Variants in MBOAT2 observed in about 807,000 individuals in gnomAD.
MBOAT2 encodes membrane bound glycerophospholipid O-acyltransferase 2.
In MBOAT2, 28 loss-of-function variants were observed where a neutral mutation model predicts 63.4. The ratio of observed to expected loss-of-function variants is 0.44; its 90% CI spans 0.33 to 0.61. The LOEUF (loss-of-function observed/expected upper bound fraction) is 0.61. Ranked by LOEUF, MBOAT2 falls within the 20% of genes least tolerant of loss-of-function variation. The pLI, the probability that MBOAT2 is intolerant of heterozygous loss-of-function variation, is 0.03. For synonymous variants in MBOAT2, 211 were observed against 215.6 expected (o/e 0.98, Z 0.19); for missense variants, 470 against 605.8 (o/e 0.78, Z 2.35).
chr2:8,940,166 T>G (rs929585003), intron 3 of MBOAT2, among the ~76,000 whole-genome samples: 6 of 152,056 alleles, frequency 3.9e-5, no homozygotes, highest in Admixed American at 2.0e-4. Context: ...CTTCTACGTC[T>G]TAACGGGGGA....
In MBOAT2 at chr2:8,994,907, T is replaced by C. The variant is rs578216913; in HGVS notation, c.75+8633A>G. On this transcript the variant is annotated intron_variant, in intron 1 of 12. Transcript: ENST00000305997. The stretch of plus-strand genomic sequence containing the variant: ...GCAAGGAGTTAAAAGAGAGAAAATG[T>C]ATTGAGGAGCATTTTAAGTAATTGA... Among the ~76,000 whole-genome samples, 9 of 152,284 alleles carry C rather than the reference T, an allele frequency of 5.9e-5. No homozygotes were observed. In the South Asian group the frequency reaches 1.9e-3, roughly 32 times the overall value.
intron 2 of MBOAT2, among the ~76,000 whole-genome samples, chr2:8,955,293 C>A (rs987772344): frequency 3.9e-5 from 6 of 152,204 alleles, no homozygotes; most frequent in Admixed American, 3.9e-4. Flanking sequence ...GCGTCTCCAA[C>A]CCTCTCCCCA....
At chr2:8,890,337 A>G (rs887821591) in intron 4 of MBOAT2, among the ~76,000 whole-genome samples, 3 of 152,080 alleles carry the variant, frequency 2.0e-5, no homozygotes, top group Non-Finnish European at 2.9e-5. Flanking sequence ...ATTTCATCTT[A>G]GTCCTTGTTT....
chr2:8,859,718 C>T (rs1247266077), intron 12 of MBOAT2, among the ~76,000 whole-genome samples: 1 of 152,048 alleles, frequency 6.6e-6, no homozygotes, highest in Non-Finnish European at 1.5e-5. Context: ...AGTTTTTGAT[C>T]TCTAAAATAT....
intron 12 of MBOAT2, among the ~76,000 whole-genome samples, chr2:8,859,785 T>C (rs1281032143): frequency 6.6e-6 from 1 of 152,166 alleles, no homozygotes; most frequent in African/African-American, 2.4e-5. Context: ...ATAAGTAGAT[T>C]ATAAAAATAC....
At chr2:8,999,285 T>C (rs1353803706) in intron 1 of MBOAT2, among the ~76,000 whole-genome samples, 1 of 152,102 alleles carries the variant, frequency 6.6e-6, no homozygotes, top group East Asian at 1.9e-4. Context: ...ATCACATCAC[T>C]AGGGAAATTT....
intron 4 of MBOAT2, among the ~76,000 whole-genome samples, chr2:8,903,078 A>G (rs1179822746): frequency 5.3e-5 from 8 of 152,190 alleles, no homozygotes; most frequent in African/African-American, 1.9e-4. Context: ...AGCTAGACAC[A>G]AAAGTTCTCC....
At chr2:8,921,704 T>G (rs1666583725) in intron 3 of MBOAT2, among the ~76,000 whole-genome samples, 1 of 152,196 alleles carries the variant, frequency 6.6e-6, no homozygotes, top group African/African-American at 2.4e-5. Context: ...CCTTCAGCAT[T>G]TTGAATATGT....
intron 3 of MBOAT2, among the ~76,000 whole-genome samples, chr2:8,912,061 C>T (rs1665746540): frequency 6.6e-6 from 1 of 151,944 alleles, no homozygotes; most frequent in Non-Finnish European, 1.5e-5. Context: ...TTAAAACCCT[C>T]ATCAAAATTG....
rs1025347567 is a variant in MBOAT2, at chr2:8,963,787, C to G, written c.76-5145G>C. The stretch of plus-strand genomic sequence containing the variant: ...TATGCATTTATTCTGTAATTATGAG[C>G]CTACTATGCTTTTACTATGTGCTAG... On this transcript the variant is annotated intron_variant, in intron 1 of 12. Transcript: ENST00000305997. Among the ~76,000 whole-genome samples, 8 of 152,112 alleles carry G rather than the reference C, an allele frequency of 5.3e-5. No individual in the cohort carries two copies. In the East Asian group the frequency reaches 1.3e-3, roughly 26 times the overall value.
At chr2:8,987,764 G>T (rs1391891940) in intron 1 of MBOAT2, among the ~76,000 whole-genome samples, 4 of 152,084 alleles carry the variant, frequency 2.6e-5, no homozygotes, top group Non-Finnish European at 5.9e-5. Context: ...CGTGGTGGCT[G>T]CGTTACAAAA....
chr2:8,935,916 A>G (rs1230311725), intron 3 of MBOAT2, among the ~76,000 whole-genome samples: 2 of 152,224 alleles, frequency 1.3e-5, no homozygotes, highest in Non-Finnish European at 2.9e-5. Flanking sequence ...TATCATCAAT[A>G]AAGTAGACTT....
intron 1 of MBOAT2, among the ~76,000 whole-genome samples, chr2:8,996,009 A>T (rs1243113481): frequency 1.3e-5 from 2 of 152,056 alleles, no homozygotes; most frequent in African/African-American, 2.4e-5. Flanking sequence ...GAAAATGCAG[A>T]CTCCCTGGCC....
At chr2:8,860,109 C>A (rs1367145112) in intron 12 of MBOAT2, among the ~76,000 whole-genome samples, 1 of 151,842 alleles carries the variant, frequency 6.6e-6, no homozygotes, top group Non-Finnish European at 1.5e-5. Context: ...ATTGCTTGAA[C>A]CTGGGAGGCA....
At chr2:8,909,414 T>C (rs1007483584) in intron 3 of MBOAT2, among the ~76,000 whole-genome samples, 11 of 152,180 alleles carry the variant, frequency 7.2e-5, no homozygotes, top group African/African-American at 2.7e-4. Context: ...AAGCTATGCC[T>C]TCATCTCACA....
At chr2:8,891,783 AGAGT>A (rs2148556751) in intron 4 of MBOAT2, among the ~76,000 whole-genome samples, 1 of 152,332 alleles carries the variant, frequency 6.6e-6, no homozygotes, top group South Asian at 2.1e-4. Flanking sequence ...TGGAACTTCC[AGAGT>A]GAGGTCAGGG....
intron 1 of MBOAT2, among the ~76,000 whole-genome samples, chr2:8,996,727 G>A (rs182815985): frequency 5.3e-5 from 8 of 152,214 alleles, no homozygotes; most frequent in Non-Finnish European, 1.0e-4. Flanking sequence ...CGGGAACTTC[G>A]CTATTCCTTG....
chr2:8,943,127 T>A lies in MBOAT2; in HGVS notation c.299+60A>T, dbSNP rs1558641021. ...TTTAATGTAATAAATAAAATTCTAT[T>A]TTGATGCAGTTCTATTCAAGTGAAA... On this transcript the variant is annotated intron_variant, in intron 3 of 12. Coordinates refer to ENST00000305997, the MANE Select transcript of MBOAT2 (RefSeq NM_138799.4). The A allele has an allele frequency of 5.4e-6, 5 of 927,686 alleles. No individual in the cohort carries two copies. The East Asian group carries it at 1.4e-4, about 26-fold the overall frequency. The allele number at this position is 927,686 out of a possible 1,614,324, so 57.5% of individuals were successfully genotyped here. A position where few individuals can be genotyped will look rare whatever the true frequency, so the allele number is the denominator to read the frequency against.
At chr2:8,972,547 A>C (rs1670525097) in intron 1 of MBOAT2, among the ~76,000 whole-genome samples, 2 of 152,380 alleles carry the variant, frequency 1.3e-5, no homozygotes, top group South Asian at 4.1e-4. Flanking sequence ...GAGCTTCTGC[A>C]CAGCAAAAGA....
Sources: gnomAD v4.1 joint callset for allele counts (sites outside exome capture counted in the v4.1 genomes callset) on GRCh38, gnomAD v4.1.1 for gene constraint, MANE v1.5 for transcripts, NCBI Gene and HGNC (gene_info 2026-07-23, HGNC 2026-07-21) for gene names.